The following PTPRD variants were observed in gnomAD, a reference collection of about 807,000 sequenced individuals.
PTPRD encodes receptor-type tyrosine-protein phosphatase delta.
Under a neutral mutation model 214.5 loss-of-function variants are expected in PTPRD, and 34 were observed. The observed-to-expected ratio is 0.16, with a 90% CI of 0.12 to 0.21. PTPRD has a LOEUF of 0.21. Ranked by LOEUF, PTPRD falls within the 10% of genes least tolerant of loss-of-function variation. The pLI is 1.00. For synonymous variants in PTPRD, 1,128 were observed against 845.7 expected (o/e 1.33, Z -5.79); for missense variants, 2,545 against 2,398.7 (o/e 1.06, Z -1.27).
chr9:8,492,513 C>A (rs1162432793), intron 27 of PTPRD, among the ~76,000 whole-genome samples: 1 of 151,696 alleles, frequency 6.6e-6, no homozygotes, highest in Non-Finnish European at 1.5e-5. Context: ...ATTATCTAGT[C>A]CTATTCAGAA....
At chr9:9,757,407 A>T (rs1370978181) in intron 6 of PTPRD, among the ~76,000 whole-genome samples, 1 of 152,314 alleles carries the variant, frequency 6.6e-6, no homozygotes, top group Non-Finnish European at 1.5e-5. Context: ...TTCATAAGCA[A>T]CTGAAAACAC....
Position 10,374,923 on chromosome 9 carries a change from G to C in PTPRD, c.-599-33906C>G, listed in dbSNP as rs2097698668. ...CTATGCTCAATAATTTGGAACTGCA[G>C]TGAAACATTGGGTTACAGCAGCATG... On this transcript the variant is annotated intron_variant, in intron 2 of 45. Coordinates refer to ENST00000381196, the MANE Select transcript of PTPRD (RefSeq NM_002839.4). 2.6e-5 allele frequency among the ~76,000 whole-genome samples: 4 copies of C among 151,950 alleles called. No individual in the cohort carries two copies. In the South Asian group the frequency reaches 8.3e-4, roughly 32 times the overall value.
rs79873951 is a variant in PTPRD at position 10,179,603 on chromosome 9, T to A, written c.-544-145813A>T. Among the ~76,000 whole-genome samples the A allele has an allele frequency of 2.0e-3, 310 of 152,190 alleles. 4 individuals carry two copies. The highest frequency in any genetic ancestry group is 7.0e-3 in the African/African-American group (291 of 41,574). On this transcript the variant is annotated intron_variant, in intron 3 of 45. Coordinates refer to ENST00000381196, the MANE Select transcript of PTPRD (RefSeq NM_002839.4). ...ATATTAAAATTGTTACTTTGGGATA[T>A]GATAACTTACATTTATTATAGGTTT...
At chr9:8,910,845 A>C (rs1012592670) in intron 11 of PTPRD, among the ~76,000 whole-genome samples, 23 of 152,252 alleles carry the variant, frequency 1.5e-4, no homozygotes, top group African/African-American at 5.3e-4. Context: ...ACTAAGTAAA[A>C]ATTATGTTCA....
At chr9:9,006,542 A>G (rs181119634) in intron 11 of PTPRD, among the ~76,000 whole-genome samples, 21 of 152,120 alleles carry the variant, frequency 1.4e-4, no homozygotes, top group African/African-American at 5.1e-4. Context: ...TTGAACTCTA[A>G]ATTTGCAATT....
At chr9:8,929,964 T>C (rs111920351) in intron 11 of PTPRD, among the ~76,000 whole-genome samples, 2,367 of 142,782 alleles carry the variant, frequency 0.017, 120 homozygotes, top group African/African-American at 0.063. Context: ...TATATATATA[T>C]ATAACTATTA....
At chr9:8,849,446 T>C (rs966499615) in intron 11 of PTPRD, among the ~76,000 whole-genome samples, 1 of 152,152 alleles carries the variant, frequency 6.6e-6, no homozygotes, top group Non-Finnish European at 1.5e-5. Context: ...CAGAATGGTC[T>C]CGATCTCCTG....
intron 11 of PTPRD, among the ~76,000 whole-genome samples, chr9:8,976,439 C>G (rs142385917): frequency 1.3e-5 from 2 of 152,112 alleles, no homozygotes; most frequent in East Asian, 3.9e-4. Context: ...AAAGGATTAT[C>G]TGAGTGATAA....
chr9:9,364,679 T>C (rs528788403), intron 9 of PTPRD, among the ~76,000 whole-genome samples: 1 of 150,894 alleles, frequency 6.6e-6, no homozygotes, highest in African/African-American at 2.4e-5. Flanking sequence ...AAACCAACAG[T>C]GAGGAAGGAA....
intron 2 of PTPRD, among the ~76,000 whole-genome samples, chr9:10,353,777 G>A (rs1218682687): frequency 1.3e-5 from 2 of 151,758 alleles, no homozygotes; most frequent in East Asian, 1.9e-4. Flanking sequence ...TTAAACTCAT[G>A]TCCAAAAAAA....
At chr9:8,353,817 A>AAATATATCT (rs1381526587) in intron 39 of PTPRD, among the ~76,000 whole-genome samples, 1 of 98,588 alleles carries the variant, frequency 1.0e-5, no homozygotes, top group African/African-American at 6.7e-5. Flanking sequence ...CTCAAAAAAA[A>AAATATATCT]ATATATGTAT....
intron 4 of PTPRD, among the ~76,000 whole-genome samples, chr9:9,939,822 C>T (rs1260780236): frequency 6.6e-6 from 1 of 152,122 alleles, no homozygotes; most frequent in Admixed American, 6.5e-5. Flanking sequence ...GAAAGTCCCA[C>T]CAGAATTGCT....
At chr9:9,700,814 G>A (rs905620022) in intron 7 of PTPRD, among the ~76,000 whole-genome samples, 1 of 151,892 alleles carries the variant, frequency 6.6e-6, no homozygotes, top group Non-Finnish European at 1.5e-5. Context: ...GTAGATTTCA[G>A]GCAGATCCTA....
intron 11 of PTPRD, among the ~76,000 whole-genome samples, chr9:8,840,765 T>C (rs1042188309): frequency 2.0e-5 from 3 of 152,154 alleles, no homozygotes; most frequent in Non-Finnish European, 2.9e-5. Context: ...AATTTTTTTT[T>C]TACACATAAT....
intron 12 of PTPRD, among the ~76,000 whole-genome samples, chr9:8,731,700 G>T (rs995799712): frequency 6.6e-6 from 1 of 152,186 alleles, no homozygotes; most frequent in Non-Finnish European, 1.5e-5. Flanking sequence ...TCTTCTGGTA[G>T]ATTGCAAATG....
intron 11 of PTPRD, among the ~76,000 whole-genome samples, chr9:8,934,782 AG>A (rs1430743847): frequency 6.6e-6 from 1 of 151,402 alleles, no homozygotes; most frequent in Non-Finnish European, 1.5e-5. Context: ...CCCACTCTCT[AG>A]CCCCTGGCAA....
intron 2 of PTPRD, among the ~76,000 whole-genome samples, chr9:10,584,414 C>CA (rs1250385921): frequency 1.3e-5 from 2 of 152,098 alleles, no homozygotes; most frequent in Non-Finnish European, 2.9e-5. Flanking sequence ...AAAGAATTTG[C>CA]AGTAGCCTCT....
chr9:10,222,094 T>C (rs757945081), intron 3 of PTPRD, among the ~76,000 whole-genome samples: 2 of 152,064 alleles, frequency 1.3e-5, no homozygotes, highest in African/African-American at 4.8e-5. Context: ...AAATCACAGT[T>C]TGCAAAATTG....
intron 12 of PTPRD, among the ~76,000 whole-genome samples, chr9:8,713,133 C>A (rs1017018510): frequency 6.6e-6 from 1 of 152,160 alleles, no homozygotes; most frequent in Non-Finnish European, 1.5e-5. Flanking sequence ...TTAAAAACAA[C>A]AACAACGATA....
Sources: allele counts gnomAD v4.1 joint callset (sites outside exome capture counted in the v4.1 genomes callset), GRCh38; gene constraint gnomAD v4.1.1; transcripts MANE v1.5; gene names NCBI Gene and HGNC (gene_info 2026-07-23, HGNC 2026-07-21).